KALRN: variants seen among roughly 807,000 people sequenced by gnomAD.
The protein encoded by KALRN is kalirin RhoGEF kinase.
KALRN carries 70 observed loss-of-function variants against 353.7 expected under a neutral mutation model. The ratio of observed to expected loss-of-function variants is 0.20; its 90% CI spans 0.16 to 0.24. KALRN has a LOEUF of 0.24. Ranked by LOEUF, KALRN falls within the 10% of genes least tolerant of loss-of-function variation. The pLI is 1.00. For synonymous variants in KALRN, 1,391 were observed against 1,434.8 expected (o/e 0.97, Z 0.69); for missense variants, 2,791 against 3,756.7 (o/e 0.74, Z 6.72).
chr3:124,315,165 A>G (rs866502501), intron 6 of KALRN, among the ~76,000 whole-genome samples: 1 of 152,210 alleles, frequency 6.6e-6, no homozygotes, highest in African/African-American at 2.4e-5. Flanking sequence ...TCCGACCTCA[A>G]GAGTCTTCAG....
intron 13 of KALRN, among the ~76,000 whole-genome samples, chr3:124,408,366 C>A (rs1325330705): frequency 6.6e-6 from 1 of 152,100 alleles, no homozygotes; most frequent in Non-Finnish European, 1.5e-5. Context: ...AAAATCAATT[C>A]TTGGAGCAGC....
chr3:124,678,406 T>A, intron 50 of KALRN, 93 bp downstream of exon 50: 2 of 1,444,192 alleles, frequency 1.4e-6, no homozygotes, highest in Non-Finnish European at 1.9e-6. Flanking sequence ...TGGGTTATTT[T>A]TTTTTTTTCC....
intron 8 of KALRN, among the ~76,000 whole-genome samples, chr3:124,330,276 A>G (rs1471366218): frequency 6.7e-6 from 1 of 150,090 alleles, no homozygotes; most frequent in Non-Finnish European, 1.5e-5. Context: ...ACACACACAC[A>G]CACACACACA....
intron 25 of KALRN, among the ~76,000 whole-genome samples, chr3:124,470,403 T>C (rs1202063788): frequency 6.6e-6 from 1 of 152,224 alleles, no homozygotes; most frequent in East Asian, 1.9e-4. Flanking sequence ...GTCATCTTCA[T>C]AAGCTTCCAA....
At chr3:124,115,068 A>T (rs1277505232) in intron 1 of KALRN, among the ~76,000 whole-genome samples, 2 of 152,150 alleles carry the variant, frequency 1.3e-5, no homozygotes, top group Non-Finnish European at 2.9e-5. Context: ...TCAGCTGTGG[A>T]TTTGATCTTG....
chr3:124,351,587 C>G (rs1287458326), intron 10 of KALRN, among the ~76,000 whole-genome samples: 3 of 152,158 alleles, frequency 2.0e-5, no homozygotes, highest in Non-Finnish European at 4.4e-5. Context: ...GAATGGCTAC[C>G]CACGGGGAGG....
At chr3:124,482,145 A>C (rs1231255282) in intron 27 of KALRN, among the ~76,000 whole-genome samples, 1 of 152,210 alleles carries the variant, frequency 6.6e-6, no homozygotes, top group Admixed American at 6.5e-5. Flanking sequence ...AATGGAAAGG[A>C]AAGATTTGTC....
At chr3:124,172,691 G>T (rs1286693370) in intron 1 of KALRN, among the ~76,000 whole-genome samples, 1 of 152,028 alleles carries the variant, frequency 6.6e-6, no homozygotes, top group African/African-American at 2.4e-5. Context: ...GGCCTGTGTA[G>T]GTGCACAGTA....
intron 19 of KALRN, among the ~76,000 whole-genome samples, chr3:124,442,442 T>C (rs2093697368): frequency 6.6e-6 from 1 of 152,150 alleles, no homozygotes; most frequent in South Asian, 2.1e-4. Context: ...TAAATGTAAA[T>C]TACTGATTTT....
rs1270547728 is a variant in KALRN, at chr3:124,434,456, C to G, written c.2979C>G (p.Leu993=). 1.2e-6 allele frequency: 2 copies of G among 1,614,218 alleles called. No homozygotes were observed. Among genetic ancestry groups the G allele is most frequent in the East Asian group, 2.2e-5 (1 of 44,886 alleles). Residue 993 remains leucine, a synonymous_variant, in exon 17 of 60, where the codon CTC becomes CTG. Coordinates refer to ENST00000682506, the MANE Select transcript of KALRN (RefSeq NM_001388419.1). ...AEKVALHWQQ[L]MLKMEDRLKL... ...AGGTGGCCCTCCACTGGCAGCAGCT[C>G]ATGCTGAAGATGGAAGACCGGCTAA...
chr3:124,644,278 A>G (rs1043883212), intron 37 of KALRN, among the ~76,000 whole-genome samples: 8 of 152,208 alleles, frequency 5.3e-5, no homozygotes, highest in Non-Finnish European at 1.0e-4. Context: ...TTCACTCAGC[A>G]TCATGTCCTT....
intron 5 of KALRN, among the ~76,000 whole-genome samples, chr3:124,269,489 T>C (rs939034035): frequency 2.0e-5 from 3 of 152,170 alleles, no homozygotes; most frequent in Non-Finnish European, 2.9e-5. Flanking sequence ...TCAAGAGTCC[T>C]GAGAGGTAGA....
chr3:124,061,506 A>T lies in KALRN; in HGVS notation c.73+27693A>T, dbSNP rs141645902. Among the ~76,000 whole-genome samples the T allele has an allele frequency of 2.6e-4, 40 of 152,336 alleles. No individual in the cohort carries two copies. The East Asian group carries it at 7.3e-3, about 28-fold the overall frequency. ...TCCAGCTTTTGTTCATAACAATGGC[A>T]CTAAGTGCTGCTTTGTTTCCTAATT... is the stretch of plus-strand genomic sequence containing the variant. On this transcript the variant is annotated intron_variant, in intron 1 of 59. Transcript: ENST00000682506.
intron 15 of KALRN, among the ~76,000 whole-genome samples, chr3:124,423,401 A>G (rs1327279274): frequency 6.6e-6 from 1 of 152,270 alleles, no homozygotes; most frequent in African/African-American, 2.4e-5. Flanking sequence ...AGTAACTAGT[A>G]GCAATTACCA....
At chr3:124,349,554 C>T (rs1294680976) in intron 10 of KALRN, among the ~76,000 whole-genome samples, 1 of 152,086 alleles carries the variant, frequency 6.6e-6, no homozygotes, top group East Asian at 1.9e-4. Flanking sequence ...TTGGACACCC[C>T]TGGTTTAATT....
intron 1 of KALRN, among the ~76,000 whole-genome samples, chr3:124,132,454 T>G (rs1366529840): frequency 6.6e-6 from 1 of 152,204 alleles, no homozygotes; most frequent in East Asian, 1.9e-4. Context: ...AAGTGAGCAC[T>G]GCAGCACCGC....
chr3:124,589,165 T>G (rs537194725), intron 34 of KALRN, among the ~76,000 whole-genome samples: 11 of 152,346 alleles, frequency 7.2e-5, no homozygotes, highest in African/African-American at 2.6e-4. Flanking sequence ...GCCAGAAACC[T>G]TATGACTTGA....
intron 1 of KALRN, among the ~76,000 whole-genome samples, chr3:124,040,984 TTTCA>T (rs1395850194): frequency 9.2e-5 from 14 of 152,246 alleles, no homozygotes; most frequent in Admixed American, 7.9e-4. Context: ...CTTGGCTCTC[TTTCA>T]TTCATTCATT....
intron 1 of KALRN, among the ~76,000 whole-genome samples, chr3:124,190,946 A>C (rs2074833968): frequency 6.6e-6 from 1 of 152,166 alleles, no homozygotes; most frequent in African/African-American, 2.4e-5. Context: ...CCAGGTTGTG[A>C]CCTGTGCTTC....
Sources: allele counts gnomAD v4.1 joint callset (sites outside exome capture counted in the v4.1 genomes callset), GRCh38; gene constraint gnomAD v4.1.1; transcripts MANE v1.5; gene names NCBI Gene and HGNC (gene_info 2026-07-23, HGNC 2026-07-21).